The following PCDHGB3 variants were observed in gnomAD, a reference collection of about 807,000 sequenced individuals.
PCDHGB3 encodes protocadherin gamma-B3.
A neutral mutation model predicts 59.2 loss-of-function variants in PCDHGB3; 40 were observed. That is an observed-to-expected ratio of 0.68 (90% CI 0.52 to 0.88). The LOEUF is 0.88. PCDHGB3 is among the 40% of genes least tolerant of loss of function. The pLI, the probability that PCDHGB3 is intolerant of heterozygous loss-of-function variation, is 0.00. For synonymous variants in PCDHGB3, 581 were observed against 503.6 expected (o/e 1.15, Z -2.06); for missense variants, 1,309 against 1,187.9 (o/e 1.10, Z -1.50).
At chr5:141,410,847 G>GTTTT (rs773839667) in intron 1 of PCDHGB3, 2 of 158,344 alleles carry the variant, frequency 1.3e-5, no homozygotes, top group African/African-American at 1.7e-4. Context: ...TTTTGTCTTT[G>GTTTT]TCTTTTTTTT....
At position 141,511,397 on chromosome 5, in the gene PCDHGB3, C is replaced by A; in HGVS notation, c.*224C>A. ...AGCAGTTCCGCTGGGAACCCCCATC[C>A]AATCAACTGCTGTACCCATGGGGGT... On this transcript the variant is annotated 3_prime_UTR_variant, in exon 4 of 4. Coordinates refer to ENST00000576222, the MANE Select transcript of PCDHGB3 (RefSeq NM_018924.5). 1.0e-6 allele frequency: 1 copy of A among 1,002,376 alleles called. No individual in the cohort carries two copies. The highest frequency in any genetic ancestry group is 1.4e-6 in the Non-Finnish European group (1 of 705,546). 62.1% of individuals were successfully genotyped at this position (1,002,376 alleles called of 1,614,324 possible). A position where few individuals can be genotyped will look rare whatever the true frequency, so the allele number is the denominator to read the frequency against.
Position 141,372,213 on chromosome 5 carries a change from C to T in PCDHGB3, c.1819C>T (p.His607Tyr), listed in dbSNP as rs999187008. Residue 607 changes from histidine (H) to tyrosine (Y), a missense_variant, in exon 1 of 4, where the codon CAC becomes TAC. His to Tyr is a moderately conservative substitution (Grantham distance 83, BLOSUM62 2). Coordinates refer to ENST00000576222, the MANE Select transcript of PCDHGB3 (RefSeq NM_018924.5). ...DSGYNAWLSY[H>Y]IVQASEPGLF... ...GGGATACAACGCCTGGCTGTCCTACCACATTGTGCAGGCCAGCGAGCCCGG... is the reference window on the plus strand; with the variant it reads ...GGGATACAACGCCTGGCTGTCCTACTACATTGTGCAGGCCAGCGAGCCCGG... 1.2e-6 allele frequency: 2 copies of T among 1,613,592 alleles called. No individual in the cohort carries two copies. Among genetic ancestry groups the T allele is most frequent in the Non-Finnish European group, 1.7e-6 (2 of 1,179,902 alleles).
At position 141,486,481 on chromosome 5, in the gene PCDHGB3, T is replaced by C. The variant is rs1562112794; in HGVS notation, c.2416-8326T>C. 1 of 1,614,036 alleles carries C rather than the reference T, an allele frequency of 6.2e-7. No individual in the cohort carries two copies. The highest frequency in any genetic ancestry group is 8.5e-7 in the Non-Finnish European group (1 of 1,179,976). Reference sequence around the variant, plus strand: ...CTGATGCTGGGAACCCTCCTCTCAGTACCCACAGAACTATTTTCCTCAATA... The same window carrying C: ...CTGATGCTGGGAACCCTCCTCTCAGCACCCACAGAACTATTTTCCTCAATA... On this transcript the variant is annotated intron_variant, in intron 1 of 3. Coordinates refer to ENST00000576222, the MANE Select transcript of PCDHGB3 (RefSeq NM_018924.5). This position sits in a 1 kb window ranked among gnomAD's most constrained non-coding sequence, Gnocchi z 5.0.
At position 141,438,623 on chromosome 5, in the gene PCDHGB3, TATATATATATATAC is replaced by T. The variant is rs537048311; in HGVS notation, c.2416-56182_2416-56169del. Among the ~76,000 whole-genome samples the T allele has an allele frequency of 0.015, 646 of 42,812 alleles. 25 individuals are homozygous for T. In the East Asian group the frequency reaches 0.19, roughly 12 times the overall value. The allele number at this position is 42,812 out of a possible 152,430, so 28.1% of individuals were successfully genotyped here. A position where few individuals can be genotyped will look rare whatever the true frequency, so the allele number is the denominator to read the frequency against. On this transcript the variant is annotated intron_variant, in intron 1 of 3. Transcript: ENST00000576222. ...ATATATATATATATATATATATATA[TATATATATATATAC>T]ACACACACACACACATATATGTATA...
At chr5:141,473,401 T>G (rs1285517100) in intron 1 of PCDHGB3, among the ~76,000 whole-genome samples, 3 of 152,222 alleles carry the variant, frequency 2.0e-5, no homozygotes. Context: ...GCTTCTTTTT[T>G]TCTTCTTCAG....
Position 141,432,972 on chromosome 5 carries a change from C to T in PCDHGB3, c.2415+60163C>T. 1 of 1,614,218 alleles carries T rather than the reference C, an allele frequency of 6.2e-7. No homozygotes were observed. Among genetic ancestry groups the T allele is most frequent in the African/African-American group, 1.3e-5 (1 of 75,058 alleles). ...GGCGGCTTGACAGGAGCGCCGGCGT[C>T]GCACTTTGTGGGCGTGGACGGGGTG... On this transcript the variant is annotated intron_variant, in intron 1 of 3. Coordinates refer to ENST00000576222, the MANE Select transcript of PCDHGB3 (RefSeq NM_018924.5). This position sits in a 1 kb window ranked among gnomAD's most constrained non-coding sequence, Gnocchi z 6.0.
chr5:141,470,490 A>C (rs1193023083), intron 1 of PCDHGB3, among the ~76,000 whole-genome samples: 1 of 152,202 alleles, frequency 6.6e-6, no homozygotes, highest in African/African-American at 2.4e-5. Context: ...TCTGGGAATA[A>C]TATTAGGTAA....
chr5:141,374,303 C>G (rs373167574), intron 1 of PCDHGB3: 2 of 1,613,938 alleles, frequency 1.2e-6, no homozygotes, highest in Admixed American at 1.7e-5. Context: ...TAGGATGCAG[C>G]TTTTCTCTCT....
intron 1 of PCDHGB3, among the ~76,000 whole-genome samples, chr5:141,482,385 A>T (rs1238551737): frequency 6.6e-6 from 1 of 152,210 alleles, no homozygotes; most frequent in Non-Finnish European, 1.5e-5. Context: ...AAGTCCCTGT[A>T]TGGAGCAAGT....
At chr5:141,403,986 C>T in intron 1 of PCDHGB3, 1 of 1,613,704 alleles carries the variant, frequency 6.2e-7, no homozygotes, top group Non-Finnish European at 8.5e-7. Context: ...GACAATAGAC[C>T]TGAAGTGACC....
intron 1 of PCDHGB3, chr5:141,374,451 T>C: frequency 6.2e-7 from 1 of 1,613,730 alleles, no homozygotes; most frequent in Non-Finnish European, 8.5e-7. Flanking sequence ...GAAGTGGAAA[T>C]AGTGGACATT....
At chr5:141,410,369 A>G in intron 1 of PCDHGB3, 1 of 1,613,954 alleles carries the variant, frequency 6.2e-7, no homozygotes. Context: ...CAGCCCTGCT[A>G]CTTGGGACTG....
At chr5:141,393,029 G>A in intron 1 of PCDHGB3, 1 of 1,613,754 alleles carries the variant, frequency 6.2e-7, no homozygotes, top group Non-Finnish European at 8.5e-7. Context: ...GAGGTAGGAC[G>A]CAGCTCTTTG....
chr5:141,386,745 G>A (rs2090694894), intron 1 of PCDHGB3, among the ~76,000 whole-genome samples: 1 of 152,124 alleles, frequency 6.6e-6, no homozygotes, highest in Non-Finnish European at 1.5e-5. Context: ...AGATCCTATG[G>A]CAGAACTACG....
At chr5:141,455,041 T>C (rs971722465) in intron 1 of PCDHGB3, among the ~76,000 whole-genome samples, 2 of 151,234 alleles carry the variant, frequency 1.3e-5, no homozygotes, top group Non-Finnish European at 2.9e-5. Flanking sequence ...CTCGATCTCC[T>C]GACCTCGTGA....
At chr5:141,401,835 T>C (rs983491795) in intron 1 of PCDHGB3, among the ~76,000 whole-genome samples, 2 of 152,326 alleles carry the variant, frequency 1.3e-5, no homozygotes, top group South Asian at 4.1e-4. Context: ...AGATTTCTTA[T>C]AATACCACTT....
rs74964649 is a variant in PCDHGB3 at position 141,370,417 on chromosome 5, G to A, written c.23G>A (p.Arg8Lys). Residue 8 changes from arginine to lysine, a missense_variant, in exon 1 of 4, where the codon AGG becomes AAG. Physicochemically the swap from Arg to Lys is conservative, Grantham distance 26. Transcript: ENST00000576222. Reference protein sequence around the residue: MGNSSGWRGPAGQRRMLF... With the variant: MGNSSGWKGPAGQRRMLF... Reference sequence around the variant, plus strand: ...GGGATGGGAAATAGCTCCGGATGGAGGGGCCCAGCAGGGCAGAGGCGAATG... The same window carrying A: ...GGGATGGGAAATAGCTCCGGATGGAAGGGCCCAGCAGGGCAGAGGCGAATG... 7.3e-4 allele frequency: 1,146 copies of A among 1,570,760 alleles called. 10 individuals are homozygous for A. In the African/African-American group the frequency reaches 0.014, roughly 19 times the overall value.
chr5:141,419,523 G>T (rs553587727), intron 1 of PCDHGB3: 21 of 1,612,086 alleles, frequency 1.3e-5, no homozygotes, highest in East Asian at 2.2e-5. Flanking sequence ...GTGGGCGACC[G>T]TAACGACAAC....
chr5:141,454,172 C>T (rs1001368287), intron 1 of PCDHGB3, among the ~76,000 whole-genome samples: 4 of 152,126 alleles, frequency 2.6e-5, no homozygotes, highest in Non-Finnish European at 5.9e-5. Context: ...TCTAGAAGGG[C>T]AGCTAAAGGA....
Sources: allele counts gnomAD v4.1 joint callset (sites outside exome capture counted in the v4.1 genomes callset), GRCh38; gene constraint gnomAD v4.1.1; non-coding constraint Gnocchi (gnomAD v3.1); transcripts MANE v1.5; gene names NCBI Gene and HGNC (gene_info 2026-07-23, HGNC 2026-07-21).